CALCR: variants seen among roughly 807,000 people sequenced by gnomAD.
CALCR encodes calcitonin receptor.
CALCR carries 47 observed loss-of-function variants against 59.5 expected under a neutral mutation model. That is an observed-to-expected ratio of 0.79 (90% CI 0.63 to 1.01). The LOEUF (loss-of-function observed/expected upper bound fraction) is 1.01, where lower values mean the gene tolerates loss of function less well. Among genes scored for constraint, CALCR ranks in the 50% least tolerant of loss-of-function variants. The pLI is 0.00. For synonymous variants in CALCR, 213 were observed against 211.3 expected (o/e 1.01, Z -0.07); for missense variants, 566 against 597.1 (o/e 0.95, Z 0.54).
intron 5 of CALCR, 48 bp from the exon 6 acceptor site, chr7:93,472,535 A>G: frequency 9.3e-7 from 1 of 1,072,676 alleles, no homozygotes; most frequent in Non-Finnish European, 1.4e-6. Context: ...CAAAATCCCA[A>G]CAAGGAAAAA....
chr7:93,512,901 T>G (rs1263457921), intron 2 of CALCR, among the ~76,000 whole-genome samples: 1 of 152,198 alleles, frequency 6.6e-6, no homozygotes, highest in African/African-American at 2.4e-5. Context: ...GATAACTGTT[T>G]TCCTTCCAAC....
intron 2 of CALCR, among the ~76,000 whole-genome samples, chr7:93,531,904 T>C (rs942967982): frequency 1.3e-5 from 2 of 152,072 alleles, no homozygotes; most frequent in Admixed American, 1.3e-4. Flanking sequence ...TAAAATTCAT[T>C]GATCTGAAAA....
chr7:93,463,975 T>C (rs1446792701), intron 7 of CALCR, among the ~76,000 whole-genome samples: 1 of 152,052 alleles, frequency 6.6e-6, no homozygotes, highest in Non-Finnish European at 1.5e-5. Context: ...AATTTACTTC[T>C]ACAACATAAT....
Position 93,438,070 on chromosome 7 carries a change from G to A in CALCR, c.920C>T (p.Ala307Val), listed in dbSNP as rs527875590. The A allele has an allele frequency of 2.4e-5, 38 of 1,613,136 alleles. No homozygotes were observed. The highest frequency in any genetic ancestry group is 1.5e-4 in the South Asian group (14 of 91,036). ...AAAACTAATTCTCACCACAAGTGCCGCCATGACAGGTCCATGGATTATGTA... is the reference window on the plus strand; with the variant it reads ...AAAACTAATTCTCACCACAAGTGCCACCATGACAGGTCCATGGATTATGTA... The part of the protein sequence containing the change: ...LLYIIHGPVM[A>V]ALVVNFFFLL... The change falls in exon 11 of 14, where the codon GCG (alanine) becomes GTG (valine). Residue 307 changes from alanine (A) to valine (V), a missense_variant. Coordinates refer to ENST00000426151, the MANE Select transcript of CALCR (RefSeq NM_001742.4).
chr7:93,540,475 T>C (rs1476298515), intron 2 of CALCR, among the ~76,000 whole-genome samples: 2 of 152,134 alleles, frequency 1.3e-5, no homozygotes, highest in African/African-American at 2.4e-5. Context: ...ACTATTTTGA[T>C]CTTTATGTAA....
At chr7:93,480,263 A>G (rs1800764673) in intron 3 of CALCR, among the ~76,000 whole-genome samples, 1 of 151,902 alleles carries the variant, frequency 6.6e-6, no homozygotes, top group African/African-American at 2.4e-5. Flanking sequence ...TCACTCTGTC[A>G]CACTGTTCTT....
At chr7:93,511,827 A>G (rs994045131) in intron 2 of CALCR, among the ~76,000 whole-genome samples, 3 of 152,180 alleles carry the variant, frequency 2.0e-5, no homozygotes, top group Non-Finnish European at 4.4e-5. Context: ...CTAGCAATGA[A>G]AAAGTCCTAT....
chr7:93,449,381 A>T (rs1467684930), intron 8 of CALCR, among the ~76,000 whole-genome samples: 1 of 152,014 alleles, frequency 6.6e-6, no homozygotes, highest in East Asian at 1.9e-4. Context: ...ATGTTGGTTA[A>T]ATTGGCCAGG....
At chr7:93,507,389 A>C (rs1467994507) in intron 2 of CALCR, among the ~76,000 whole-genome samples, 1 of 152,148 alleles carries the variant, frequency 6.6e-6, no homozygotes, top group Non-Finnish European at 1.5e-5. Context: ...AGGGAGAGCC[A>C]GCTGTCAGGG....
intron 2 of CALCR, among the ~76,000 whole-genome samples, chr7:93,567,714 C>G (rs998238289): frequency 1.3e-5 from 2 of 151,934 alleles, no homozygotes; most frequent in African/African-American, 4.8e-5. Flanking sequence ...CCCTGCCCCC[C>G]AACAGGCCCC....
chr7:93,478,076 C>CA (rs1800708729), intron 4 of CALCR, among the ~76,000 whole-genome samples: 1 of 148,042 alleles, frequency 6.8e-6, no homozygotes, highest in Non-Finnish European at 1.5e-5. Context: ...AGAAAGCTCT[C>CA]AAAAATTATT....
At chr7:93,471,769 C>T (rs1441971791) in intron 6 of CALCR, among the ~76,000 whole-genome samples, 4 of 151,674 alleles carry the variant, frequency 2.6e-5, no homozygotes, top group African/African-American at 4.8e-5. Context: ...GTTCCCCACT[C>T]GCCATTTGCT....
chr7:93,477,726 A>G, intron 4 of CALCR, 58 bp from the exon 5 acceptor site: 1 of 1,066,504 alleles, frequency 9.4e-7, no homozygotes, highest in Non-Finnish European at 1.4e-6. Context: ...AAATGAGAAG[A>G]TTGATCCCAA....
intron 2 of CALCR, among the ~76,000 whole-genome samples, chr7:93,550,598 A>ACACAC (rs1789427643): frequency 3.3e-5 from 4 of 121,850 alleles, no homozygotes; most frequent in African/African-American, 5.8e-5. Flanking sequence ...ATTTGGGCTA[A>ACACAC]ACACACACAC....
intron 6 of CALCR, among the ~76,000 whole-genome samples, chr7:93,471,508 C>G (rs1800552128): frequency 6.6e-6 from 1 of 151,782 alleles, no homozygotes; most frequent in Non-Finnish European, 1.5e-5. Context: ...TTTCTACACC[C>G]TGAAAGCATC....
intron 2 of CALCR, among the ~76,000 whole-genome samples, chr7:93,559,174 T>C (rs1789682401): frequency 6.6e-6 from 1 of 152,138 alleles, no homozygotes; most frequent in Admixed American, 6.6e-5. Flanking sequence ...AAATTGTAAC[T>C]TTAAAAATTA....
Position 93,460,960 on chromosome 7 carries a change from G to T in CALCR, c.522-13C>A. Reference sequence around the variant, plus strand: ...GCAGCCAAGGCTCCTGGAAGAAAAAGTAACATAAAGCATTAACCAGTGCCA... The same window carrying T: ...GCAGCCAAGGCTCCTGGAAGAAAAATTAACATAAAGCATTAACCAGTGCCA... On this transcript the variant is annotated splice_polypyrimidine_tract_variant and intron_variant, in intron 7 of 13. Coordinates refer to ENST00000426151, the MANE Select transcript of CALCR (RefSeq NM_001742.4). 1 of 1,603,546 alleles carries T rather than the reference G, an allele frequency of 6.2e-7. No homozygotes were observed. The highest frequency in any genetic ancestry group is 8.5e-7 in the Non-Finnish European group (1 of 1,175,720).
At chr7:93,500,884 T>G (rs1171319312) in intron 2 of CALCR, among the ~76,000 whole-genome samples, 1 of 152,022 alleles carries the variant, frequency 6.6e-6, no homozygotes, top group African/African-American at 2.4e-5. Flanking sequence ...TATTTACTAA[T>G]AAAGAAAAGC....
intron 5 of CALCR, among the ~76,000 whole-genome samples, chr7:93,474,263 T>A (rs1038254737): frequency 6.6e-6 from 1 of 151,686 alleles, no homozygotes; most frequent in Non-Finnish European, 1.5e-5. Flanking sequence ...CAAGACACTA[T>A]TATCAGCAGG....
Sources: allele counts gnomAD v4.1 joint callset (sites outside exome capture counted in the v4.1 genomes callset), GRCh38; gene constraint gnomAD v4.1.1; transcripts MANE v1.5; gene names NCBI Gene and HGNC (gene_info 2026-07-23, HGNC 2026-07-21).